DOCK10: variants seen among roughly 807,000 people sequenced by gnomAD.
DOCK10 encodes the protein dedicator of cytokinesis protein 10.
A neutral mutation model predicts 280.1 loss-of-function variants in DOCK10; 145 were observed. The observed-to-expected ratio is 0.52, with a 90% confidence interval of 0.45 to 0.59. The LOEUF (loss-of-function observed/expected upper bound fraction) is 0.59. Among genes scored for constraint, DOCK10 ranks in the 20% least tolerant of loss-of-function variants. The probability of loss-of-function intolerance (pLI) is 0.00; values close to 1 mark genes in which losing one functional copy is unlikely to be tolerated. For missense variants in DOCK10, 2,368 were observed against 2,651.7 expected (o/e 0.89, Z 2.35); for synonymous variants, 915 against 942.2 (o/e 0.97, Z 0.53).
intron 1 of DOCK10, among the ~76,000 whole-genome samples, chr2:224,975,304 C>T (rs932956199): frequency 6.6e-6 from 1 of 152,108 alleles, no homozygotes; most frequent in African/African-American, 2.4e-5. Context: ...AAAATTAGTT[C>T]ACAAGGGAAA....
At chr2:224,877,027 G>A (rs959887978) in intron 7 of DOCK10, among the ~76,000 whole-genome samples, 2 of 152,070 alleles carry the variant, frequency 1.3e-5, no homozygotes, top group South Asian at 2.1e-4. Flanking sequence ...TCTAGTTCCC[G>A]AATGTGTTCC....
At chr2:224,911,735 A>T (rs1701024914) in intron 3 of DOCK10, among the ~76,000 whole-genome samples, 1 of 152,216 alleles carries the variant, frequency 6.6e-6, no homozygotes. Flanking sequence ...GAGCAATTGG[A>T]AACTGCTGAA....
chr2:224,995,861 A>G (rs1706258201), intron 1 of DOCK10, among the ~76,000 whole-genome samples: 1 of 152,222 alleles, frequency 6.6e-6, no homozygotes, highest in African/African-American at 2.4e-5. Context: ...ACTTGTTTTA[A>G]TGTAAAAATG....
At chr2:224,795,786 G>A (rs1324566744) in intron 44 of DOCK10, among the ~76,000 whole-genome samples, 1 of 152,130 alleles carries the variant, frequency 6.6e-6, no homozygotes, top group African/African-American at 2.4e-5. Context: ...TCAGTATAAT[G>A]ACTACAGGAG....
intron 1 of DOCK10, among the ~76,000 whole-genome samples, chr2:224,957,292 C>CA (rs71823141): frequency 1.3e-5 from 2 of 148,468 alleles, no homozygotes; most frequent in Admixed American, 1.3e-4. Context: ...TCCGCCCCCC[C>CA]CCGGCTTTGT....
chr2:224,930,759 T>C (rs1245027169), intron 2 of DOCK10, among the ~76,000 whole-genome samples: 1 of 152,168 alleles, frequency 6.6e-6, no homozygotes, highest in Non-Finnish European at 1.5e-5. Context: ...CCTTAAGATG[T>C]TGAAGTTTGT....
intron 1 of DOCK10, among the ~76,000 whole-genome samples, chr2:224,969,669 G>A (rs1704974508): frequency 6.6e-6 from 1 of 152,190 alleles, no homozygotes; most frequent in South Asian, 2.1e-4. Context: ...ATAGATGCAT[G>A]TAATCTTTAA....
chr2:224,769,052 T>A, intron 55 of DOCK10: 1 of 402,532 alleles, frequency 2.5e-6, no homozygotes, highest in Non-Finnish European at 4.9e-6. Flanking sequence ...AACTTTCAGA[T>A]CCATCATTTG....
intron 1 of DOCK10, among the ~76,000 whole-genome samples, chr2:224,966,928 G>C (rs933530389): frequency 6.6e-6 from 1 of 151,986 alleles, no homozygotes; most frequent in Non-Finnish European, 1.5e-5. Context: ...ACATTTCATG[G>C]TATCAGGGAT....
In DOCK10 at chr2:224,886,196, G is replaced by T. The variant is rs745627279; in HGVS notation, c.490-11C>A. On this transcript the variant is annotated splice_polypyrimidine_tract_variant and intron_variant, in intron 5 of 55. Transcript: ENST00000258390. The stretch of plus-strand genomic sequence containing the variant: ...GTGGGAAGTGGTATCCTGTAGGAAA[G>T]GCATAGTAGCATGACAGCCATCTTT... 1 of 1,613,652 alleles carries T rather than the reference G, an allele frequency of 6.2e-7. No individual in the cohort carries two copies. Among genetic ancestry groups the T allele is most frequent in the South Asian group, 1.1e-5 (1 of 91,070 alleles).
chr2:224,817,128 C>T (rs998174252), intron 29 of DOCK10, among the ~76,000 whole-genome samples: 1 of 152,184 alleles, frequency 6.6e-6, no homozygotes. Context: ...CCATCCAGAG[C>T]TAAGGAAGAC....
intron 50 of DOCK10, chr2:224,784,628 C>T: frequency 9.7e-7 from 1 of 1,026,622 alleles, no homozygotes; most frequent in Non-Finnish European, 1.3e-6. Flanking sequence ...TCCCTTTGTA[C>T]CAAATGGTGA....
chr2:225,004,724 A>G (rs1706524252), intron 1 of DOCK10, among the ~76,000 whole-genome samples: 1 of 152,222 alleles, frequency 6.6e-6, no homozygotes, highest in African/African-American at 2.4e-5. Context: ...CTAAGACAGA[A>G]CCAAGGATGT....
At chr2:224,987,068 G>A (rs1287527429) in intron 1 of DOCK10, among the ~76,000 whole-genome samples, 2 of 152,176 alleles carry the variant, frequency 1.3e-5, no homozygotes, top group Non-Finnish European at 2.9e-5. Flanking sequence ...GGAGTCTGGA[G>A]GCCCTGACTT....
chr2:224,804,056 C>T, intron 39 of DOCK10, 56 bp downstream of exon 39: 4 of 982,262 alleles, frequency 4.1e-6, no homozygotes, highest in Non-Finnish European at 4.8e-6. Flanking sequence ...TGTGCATATA[C>T]AGACACACAC....
intron 27 of DOCK10, among the ~76,000 whole-genome samples, chr2:224,825,010 C>T (rs6717548): frequency 0.35 from 47,955 of 135,942 alleles, 10,178 homozygotes; most frequent in African/African-American, 0.62. Context: ...GATGGAGTTT[C>T]GCTCTGTTGT....
chr2:225,009,204 T>G (rs1349766300), intron 1 of DOCK10, among the ~76,000 whole-genome samples: 2 of 152,196 alleles, frequency 1.3e-5, no homozygotes, highest in African/African-American at 2.4e-5. Context: ...TGGTTAAAAT[T>G]TTATGTCTTC....
At chr2:224,924,051 C>T (rs1464312381) in intron 2 of DOCK10, among the ~76,000 whole-genome samples, 1 of 152,146 alleles carries the variant, frequency 6.6e-6, no homozygotes, top group Non-Finnish European at 1.5e-5. Flanking sequence ...CTTATTACTC[C>T]TTTGCTATGT....
At position 224,828,426 on chromosome 2, in the gene DOCK10, C is replaced by G. The variant is rs573484804; in HGVS notation, c.3036+2115G>C. Among the ~76,000 whole-genome samples, 5 of 152,178 alleles carry G rather than the reference C, an allele frequency of 3.3e-5. No homozygotes were observed. In the East Asian group the frequency reaches 9.7e-4, roughly 29 times the overall value. ...AAGCAAAGTCGAAATGTCTGGTTGT[C>G]CTGGCAGAGGATAGAGGAAAAAATA... is the stretch of plus-strand genomic sequence containing the variant. On this transcript the variant is annotated intron_variant, in intron 27 of 55. Transcript: ENST00000258390.
Sources: gnomAD v4.1 joint callset for allele counts (sites outside exome capture counted in the v4.1 genomes callset) on GRCh38, gnomAD v4.1.1 for gene constraint, MANE v1.5 for transcripts, NCBI Gene and HGNC (gene_info 2026-07-23, HGNC 2026-07-21) for gene names.